LRRTM4: variants seen among roughly 807,000 people sequenced by gnomAD.
The protein encoded by LRRTM4 is leucine rich repeat transmembrane neuronal 4, also known as leucine-rich repeat transmembrane neuronal protein 4.
A neutral mutation model predicts 47.6 loss-of-function variants in LRRTM4; 25 were observed. The ratio of observed to expected loss-of-function variants is 0.53; its 90% CI spans 0.38 to 0.73. The LOEUF (loss-of-function observed/expected upper bound fraction) is 0.73. Among genes scored for constraint, LRRTM4 ranks in the 30% least tolerant of loss-of-function variants. The pLI is 0.00. For synonymous variants in LRRTM4, 311 were observed against 269.5 expected, an observed-to-expected ratio of 1.15 and a Z score of -1.51; for missense variants, 638 against 713.4, an observed-to-expected ratio of 0.89 and a Z score of 1.20.
chr2:77,104,528 T>A (rs930813713), intron 3 of LRRTM4, among the ~76,000 whole-genome samples: 1 of 152,082 alleles, frequency 6.6e-6, no homozygotes, highest in Non-Finnish European at 1.5e-5. Flanking sequence ...CCAACCCTCA[T>A]ACAAAATAGC....
At position 77,169,813 on chromosome 2, in the gene LRRTM4, C is replaced by A. The variant is rs533660524; in HGVS notation, c.1551+348505G>T. 1.1e-4 allele frequency among the ~76,000 whole-genome samples: 16 copies of A among 152,198 alleles called. No homozygotes were observed. In the South Asian group the frequency reaches 3.3e-3, roughly 32 times the overall value. ...TCTGTGGTAATCTGTTATAGTAACA[C>A]AAAGTAGACTAAGACATTTCCCATA... On this transcript the variant is annotated intron_variant, in intron 3 of 3. Transcript: ENST00000409884.
intron 3 of LRRTM4, among the ~76,000 whole-genome samples, chr2:76,910,205 A>C (rs1486143653): frequency 1.3e-5 from 2 of 152,140 alleles, no homozygotes; most frequent in African/African-American, 4.8e-5. Flanking sequence ...AGGGACATGG[A>C]TGAAATTGGA....
chr2:77,075,982 C>G, intron 3 of LRRTM4, among the ~76,000 whole-genome samples: 1 of 142,998 alleles, frequency 7.0e-6, no homozygotes, highest in African/African-American at 2.6e-5. Context: ...TAAGGTCATT[C>G]ATTCTGAAGT....
intron 3 of LRRTM4, among the ~76,000 whole-genome samples, chr2:77,195,680 C>T (rs1047858991): frequency 4.6e-5 from 7 of 151,880 alleles, no homozygotes; most frequent in Non-Finnish European, 8.8e-5. Flanking sequence ...TAAACAAATT[C>T]TAAAATATAA....
At chr2:77,513,052 G>A (rs1458009901) in intron 3 of LRRTM4, among the ~76,000 whole-genome samples, 2 of 152,042 alleles carry the variant, frequency 1.3e-5, no homozygotes, top group Admixed American at 6.6e-5. Flanking sequence ...TCAGACAATC[G>A]ATTTTTTAAA....
At chr2:76,960,923 T>A (rs548792747) in intron 3 of LRRTM4, among the ~76,000 whole-genome samples, 6 of 151,650 alleles carry the variant, frequency 4.0e-5, no homozygotes, top group Admixed American at 4.0e-4. Flanking sequence ...CTATGTATAA[T>A]ACACTGTGCT....
chr2:77,207,087 C>T (rs970623400), intron 3 of LRRTM4, among the ~76,000 whole-genome samples: 7 of 148,964 alleles, frequency 4.7e-5, no homozygotes, highest in African/African-American at 1.7e-4. Context: ...ACTTATTCTT[C>T]TTTCTTTTGT....
intron 3 of LRRTM4, among the ~76,000 whole-genome samples, chr2:77,207,372 T>TATATATATAC (rs59335400): frequency 1.5e-5 from 2 of 131,104 alleles, no homozygotes; most frequent in African/African-American, 6.5e-5. Flanking sequence ...TATATATATA[T>TATATATATAC]ACACACACAC....
chr2:77,066,825 A>T (rs926139045), intron 3 of LRRTM4, among the ~76,000 whole-genome samples: 35 of 152,356 alleles, frequency 2.3e-4, no homozygotes, highest in African/African-American at 8.2e-4. Flanking sequence ...TTGAATTTGG[A>T]AGAATGACTA....
chr2:77,199,412 G>A (rs1471737606), intron 3 of LRRTM4, among the ~76,000 whole-genome samples: 1 of 152,060 alleles, frequency 6.6e-6, no homozygotes, highest in East Asian at 1.9e-4. Context: ...CAGAGTCTGT[G>A]AGCTTAACCA....
At chr2:77,136,898 A>T (rs957784790) in intron 3 of LRRTM4, among the ~76,000 whole-genome samples, 2 of 152,046 alleles carry the variant, frequency 1.3e-5, no homozygotes, top group Admixed American at 1.3e-4. Context: ...CAAATGAATG[A>T]AATGAAGTGA....
intron 3 of LRRTM4, among the ~76,000 whole-genome samples, chr2:77,299,343 G>T (rs185253562): frequency 2.0e-4 from 30 of 148,000 alleles, no homozygotes; most frequent in African/African-American, 6.0e-4. Context: ...ATGTATATAC[G>T]TATATATATG....
intron 3 of LRRTM4, among the ~76,000 whole-genome samples, chr2:77,401,434 T>C (rs1673949854): frequency 6.6e-6 from 1 of 151,962 alleles, no homozygotes; most frequent in Non-Finnish European, 1.5e-5. Flanking sequence ...TTTTCCTTCA[T>C]ATCATAAATC....
intron 3 of LRRTM4, among the ~76,000 whole-genome samples, chr2:77,209,360 T>C (rs1674228493): frequency 1.3e-5 from 2 of 151,814 alleles, no homozygotes; most frequent in Non-Finnish European, 2.9e-5. Context: ...TGAAGACATA[T>C]GGACCACAGT....
chr2:77,218,374 CT>C (rs1038250007), intron 3 of LRRTM4, among the ~76,000 whole-genome samples: 1 of 151,892 alleles, frequency 6.6e-6, no homozygotes, highest in Non-Finnish European at 1.5e-5. Flanking sequence ...TTATTTCAGA[CT>C]TTTTTTATCT....
At chr2:76,968,976 A>T (rs1472611871) in intron 3 of LRRTM4, among the ~76,000 whole-genome samples, 1 of 151,904 alleles carries the variant, frequency 6.6e-6, no homozygotes, top group Non-Finnish European at 1.5e-5. Context: ...TGCTAATTGC[A>T]AAATAAAGAG....
intron 3 of LRRTM4, among the ~76,000 whole-genome samples, chr2:77,164,216 G>A (rs1020374936): frequency 6.6e-6 from 1 of 152,118 alleles, no homozygotes; most frequent in Non-Finnish European, 1.5e-5. Flanking sequence ...GACAAAGCAG[G>A]TCATTACATA....
chr2:77,245,668 A>AT (rs1362770292), intron 3 of LRRTM4, among the ~76,000 whole-genome samples: 3 of 151,504 alleles, frequency 2.0e-5, no homozygotes, highest in East Asian at 1.9e-4. Flanking sequence ...AGCAACTTGC[A>AT]TTTTTTCTTT....
chr2:76,969,635 A>G (rs1676151203), intron 3 of LRRTM4, among the ~76,000 whole-genome samples: 1 of 151,984 alleles, frequency 6.6e-6, no homozygotes, highest in African/African-American at 2.4e-5. Flanking sequence ...AACAAAAAAA[A>G]TGCCATAACA....
Sources: gnomAD v4.1 joint callset for allele counts (sites outside exome capture counted in the v4.1 genomes callset) on GRCh38, gnomAD v4.1.1 for gene constraint, MANE v1.5 for transcripts, NCBI Gene and HGNC (gene_info 2026-07-23, HGNC 2026-07-21) for gene names.